Variants in SPAG16 observed in about 807,000 individuals in gnomAD.
The protein encoded by SPAG16 is sperm associated antigen 16.
In SPAG16, 86 loss-of-function variants were observed where a neutral mutation model predicts 80.4. The observed-to-expected ratio is 1.07, with a 90% CI of 0.90 to 1.28. SPAG16 has a LOEUF of 1.28. Ranked by LOEUF, SPAG16 falls within the 50% of genes most tolerant of loss-of-function variation. The pLI is 0.00. For synonymous variants in SPAG16, 294 were observed against 265.9 expected (o/e 1.11, Z -1.03); for missense variants, 870 against 765.3 (o/e 1.14, Z -1.61).
intron 15 of SPAG16, among the ~76,000 whole-genome samples, chr2:214,165,468 C>G (rs1031065308): frequency 1.3e-5 from 1 of 77,968 alleles, no homozygotes; most frequent in Non-Finnish European, 2.1e-5. Flanking sequence ...GCATCACCAT[C>G]CTTTTTTTTT....
At chr2:214,325,724 CTT>C (rs5838427) in intron 15 of SPAG16, among the ~76,000 whole-genome samples, 85 of 150,280 alleles carry the variant, frequency 5.7e-4, no homozygotes, top group African/African-American at 1.4e-3. Flanking sequence ...TATTGATTAG[CTT>C]TTTTTTTTTA....
At chr2:213,332,321 T>C (rs2064146293) in intron 5 of SPAG16, among the ~76,000 whole-genome samples, 1 of 152,076 alleles carries the variant, frequency 6.6e-6, no homozygotes, top group African/African-American at 2.4e-5. Flanking sequence ...AGATACAAGC[T>C]ACCAGAATTA....
In SPAG16 at chr2:213,715,222, G is replaced by GTCTATCTATCTATCTATCTA. The variant is rs1553615157; in HGVS notation, c.1071-147236_1071-147217dup. On this transcript the variant is annotated intron_variant, in intron 10 of 15. Coordinates refer to ENST00000331683, the MANE Select transcript of SPAG16 (RefSeq NM_024532.5). ...AGATTCAAGTTAGGTAGATCTATCTGTCTATCTATCTATCTATCTATCTAT... is the reference window on the plus strand; with the variant it reads ...AGATTCAAGTTAGGTAGATCTATCTGTCTATCTATCTATCTATCTATCTATCTATCTATCTATCTATCTAT... Among the ~76,000 whole-genome samples, 151 of 110,576 alleles carry GTCTATCTATCTATCTATCTA rather than the reference G, an allele frequency of 1.4e-3. 1 individual carries two copies. Among genetic ancestry groups the GTCTATCTATCTATCTATCTA allele is most frequent in the Middle Eastern group, 9.5e-3 (2 of 210 alleles). The allele number at this position is 110,576 out of a possible 152,430, so 72.5% of individuals were successfully genotyped here. A position where few individuals can be genotyped will look rare whatever the true frequency, so the allele number is the denominator to read the frequency against.
intron 15 of SPAG16, among the ~76,000 whole-genome samples, chr2:214,254,903 A>G (rs1690572646): frequency 2.0e-5 from 3 of 151,966 alleles, no homozygotes; most frequent in African/African-American, 7.2e-5. Flanking sequence ...AGGATGTAAG[A>G]CCAAAAGTAA....
At chr2:213,424,255 T>A (rs1191397020) in intron 9 of SPAG16, among the ~76,000 whole-genome samples, 1 of 152,218 alleles carries the variant, frequency 6.6e-6, no homozygotes, top group Non-Finnish European at 1.5e-5. Flanking sequence ...AGTTCCTTCA[T>A]AAAGTAGTTT....
intron 8 of SPAG16, among the ~76,000 whole-genome samples, chr2:213,366,834 A>G (rs1318930912): frequency 1.3e-5 from 2 of 152,096 alleles, no homozygotes; most frequent in African/African-American, 4.8e-5. Context: ...CAGGTGCACA[A>G]CATACAGGTT....
chr2:214,108,008 C>T (rs376360749), intron 13 of SPAG16, among the ~76,000 whole-genome samples, 188 bp from the exon 14 acceptor site: 1 of 152,130 alleles, frequency 6.6e-6, no homozygotes, highest in African/African-American at 2.4e-5. Flanking sequence ...CTATGGTATG[C>T]TCCCCGCTCT....
At chr2:214,372,249 A>T (rs1292849315) in intron 15 of SPAG16, among the ~76,000 whole-genome samples, 4 of 152,200 alleles carry the variant, frequency 2.6e-5, no homozygotes, top group African/African-American at 9.6e-5. Flanking sequence ...TCTCTATTAT[A>T]GAAATTGTAT....
At chr2:213,577,674 A>C (rs2060174161) in intron 10 of SPAG16, among the ~76,000 whole-genome samples, 1 of 152,118 alleles carries the variant, frequency 6.6e-6, no homozygotes, top group Admixed American at 6.6e-5. Flanking sequence ...TAGTCATTAA[A>C]ATATTTACCA....
intron 10 of SPAG16, 148 bp from the exon 11 acceptor site, chr2:213,862,337 G>C: frequency 1.1e-6 from 1 of 921,600 alleles, no homozygotes; most frequent in Non-Finnish European, 1.6e-6. Flanking sequence ...CAGGGATGCA[G>C]AACCTGCTTC....
chr2:213,942,779 A>C (rs1213506635), intron 12 of SPAG16, among the ~76,000 whole-genome samples: 1 of 152,204 alleles, frequency 6.6e-6, no homozygotes, highest in Non-Finnish European at 1.5e-5. Context: ...TGGGAGGGGA[A>C]TACTCAAAAG....
At chr2:213,520,415 T>C (rs1265285020) in intron 10 of SPAG16, among the ~76,000 whole-genome samples, 1 of 149,994 alleles carries the variant, frequency 6.7e-6, no homozygotes, top group Non-Finnish European at 1.5e-5. Context: ...TGAAACCCCG[T>C]CTCTACTAAA....
chr2:213,702,757 G>A (rs2065528698), intron 10 of SPAG16, among the ~76,000 whole-genome samples: 1 of 152,020 alleles, frequency 6.6e-6, no homozygotes, highest in South Asian at 2.1e-4. Context: ...ATCTCAAAAT[G>A]TATTTTATTT....
intron 13 of SPAG16, among the ~76,000 whole-genome samples, chr2:214,100,252 C>A (rs1387351939): frequency 6.6e-6 from 1 of 151,942 alleles, no homozygotes; most frequent in Non-Finnish European, 1.5e-5. Flanking sequence ...CCTTTTTTCT[C>A]TATAAATTAC....
intron 9 of SPAG16, among the ~76,000 whole-genome samples, chr2:213,415,125 C>A (rs183358856): frequency 6.6e-6 from 1 of 152,190 alleles, no homozygotes; most frequent in Non-Finnish European, 1.5e-5. Flanking sequence ...AACACAGAGC[C>A]AAACCATATC....
intron 10 of SPAG16, among the ~76,000 whole-genome samples, chr2:213,795,129 C>A (rs937717904): frequency 6.6e-6 from 1 of 152,078 alleles, no homozygotes; most frequent in African/African-American, 2.4e-5. Context: ...ATTGAAAGTT[C>A]ATTCTCAAAG....
At chr2:214,200,681 C>G (rs1422390208) in intron 15 of SPAG16, among the ~76,000 whole-genome samples, 1 of 152,000 alleles carries the variant, frequency 6.6e-6, no homozygotes, top group African/African-American at 2.4e-5. Context: ...CTCAAACAAA[C>G]AAACAAGATC....
chr2:214,138,268 T>C (rs2055165947), intron 14 of SPAG16, among the ~76,000 whole-genome samples: 1 of 151,992 alleles, frequency 6.6e-6, no homozygotes, highest in African/African-American at 2.4e-5. Context: ...CTAGGGGAGA[T>C]ACTGGGAGAT....
chr2:214,383,545 T>C (rs1385038480), intron 15 of SPAG16, among the ~76,000 whole-genome samples: 1 of 140,908 alleles, frequency 7.1e-6, no homozygotes, highest in Non-Finnish European at 1.5e-5. Flanking sequence ...CACTCCAGCC[T>C]GGGCAACAGA....
Sources: gnomAD v4.1 joint callset for allele counts (sites outside exome capture counted in the v4.1 genomes callset) on GRCh38, gnomAD v4.1.1 for gene constraint, MANE v1.5 for transcripts, NCBI Gene and HGNC (gene_info 2026-07-23, HGNC 2026-07-21) for gene names.